FUT8: variants seen among roughly 807,000 people sequenced by gnomAD.
The protein encoded by FUT8 is alpha-(1,6)-fucosyltransferase.
A neutral mutation model predicts 71.3 loss-of-function variants in FUT8; 29 were observed. The ratio of observed to expected loss-of-function variants is 0.41; its 90% CI spans 0.30 to 0.55. The LOEUF (loss-of-function observed/expected upper bound fraction) is 0.55, where lower values mean the gene tolerates loss of function less well. FUT8 is among the 20% of genes least tolerant of loss of function. The probability of loss-of-function intolerance (pLI) is 0.34; values close to 1 mark genes in which losing one functional copy is unlikely to be tolerated. For missense variants in FUT8, 544 were observed against 702.1 expected (o/e 0.77, Z 2.55); for synonymous variants, 254 against 239.3 (o/e 1.06, Z -0.57).
At chr14:65,565,855 T>A (rs540255580) in intron 3 of FUT8, among the ~76,000 whole-genome samples, 2 of 151,952 alleles carry the variant, frequency 1.3e-5, no homozygotes, top group South Asian at 2.1e-4. Flanking sequence ...TTGTCTATTT[T>A]AAAAAATCAA....
At chr14:65,560,343 TAAAG>T (rs931646069) in intron 2 of FUT8, among the ~76,000 whole-genome samples, 42 of 152,104 alleles carry the variant, frequency 2.8e-4, no homozygotes, top group African/African-American at 8.7e-4. Flanking sequence ...TTTTTAAAAT[TAAAG>T]AAAAAAAAAT....
At chr14:65,386,502 T>TC in the FUT8 span, among the ~76,000 whole-genome samples, 4 of 49,680 alleles carry the variant, frequency 8.1e-5, no homozygotes, top group African/African-American at 3.8e-4. Context: ...AGACCTCGTC[T>TC]CAAAAAAAAA....
Position 65,616,285 on chromosome 14 carries a change from A to G in FUT8, c.394A>G (p.Ser132Gly). The change falls in exon 5 of 11, where the codon AGT (serine) becomes GGT (glycine). Residue 132 changes from serine (S) to glycine (G), a missense_variant. Transcript: ENST00000673929. The part of the protein sequence containing the change: ...GAKELWFFLQ[S>G]ELKKLKNLEG... ...TAAAGAGCTCTGGTTTTTCCTACAG[A>G]GTGAATTGAAGAAATTAAAGAACTT... is the stretch of plus-strand genomic sequence containing the variant. The G allele has an allele frequency of 1.2e-6, 2 of 1,612,696 alleles. No individual in the cohort carries two copies. Among genetic ancestry groups the G allele is most frequent in the Non-Finnish European group, 1.7e-6 (2 of 1,179,388 alleles).
intron 6 of FUT8, among the ~76,000 whole-genome samples, chr14:65,659,511 C>G (rs928909692): frequency 6.6e-6 from 1 of 152,122 alleles, no homozygotes; most frequent in African/African-American, 2.4e-5. Context: ...GCAGCTTTTG[C>G]ACAGGAACAG....
chr14:65,678,304 T>G (rs12586842), intron 7 of FUT8, among the ~76,000 whole-genome samples: 54,887 of 152,096 alleles, frequency 0.36, 11,999 homozygotes, highest in Non-Finnish European at 0.5. Flanking sequence ...TTTGGCTCCC[T>G]AGCTCCCCTA....
rs58542884 is a variant in FUT8 at position 65,717,140 on chromosome 14, C to T, written c.836-4635C>T. Among the ~76,000 whole-genome samples, 286 of 134,600 alleles carry T rather than the reference C, an allele frequency of 2.1e-3. 9 individuals carry two copies. The highest frequency in any genetic ancestry group is 8.0e-3 in the African/African-American group (277 of 34,730). 88.3% of individuals were successfully genotyped at this position (134,600 alleles called of 152,430 possible). On this transcript the variant is annotated intron_variant, in intron 7 of 10. Transcript: ENST00000673929. ...AGCCGGGCAGAGGCGCTCCTCATTT[C>T]CCAGATGGGGCGGCCGGGCAGAGGC...
chr14:65,469,822 G>T (rs564649011), intron 2 of FUT8, among the ~76,000 whole-genome samples: 71 of 152,316 alleles, frequency 4.7e-4, no homozygotes, highest in Admixed American at 1.8e-3. Context: ...GGCTGATCTC[G>T]GGGCTTTTAT....
chr14:65,655,252 T>G (rs1418752988), intron 6 of FUT8, among the ~76,000 whole-genome samples: 1 of 151,482 alleles, frequency 6.6e-6, no homozygotes, highest in Non-Finnish European at 1.5e-5. Flanking sequence ...GGCGGGCAGA[T>G]CATGAAGTCA....
the FUT8 span, among the ~76,000 whole-genome samples, chr14:65,358,067 T>A: frequency 1.3e-4 from 20 of 152,002 alleles, no homozygotes; most frequent in African/African-American, 4.1e-4. Flanking sequence ...ACAGGAGAGG[T>A]TGGTCAACAG....
chr14:65,471,773 G>T (rs1422912639), intron 2 of FUT8, among the ~76,000 whole-genome samples: 4 of 149,976 alleles, frequency 2.7e-5, no homozygotes, highest in Non-Finnish European at 4.4e-5. Context: ...TTTTTTTCTT[G>T]TCGTGAGGTT....
At chr14:65,441,567 C>T (rs898824049) in intron 1 of FUT8, among the ~76,000 whole-genome samples, 3 of 151,546 alleles carry the variant, frequency 2.0e-5, no homozygotes, top group African/African-American at 7.3e-5. Context: ...ATGGTGAAAC[C>T]CCATCTCTAC....
intron 7 of FUT8, among the ~76,000 whole-genome samples, chr14:65,686,880 G>A (rs978748522): frequency 1.3e-5 from 2 of 152,134 alleles, no homozygotes; most frequent in African/African-American, 4.8e-5. Flanking sequence ...CAGTTGTTCT[G>A]TTCATTCAAA....
At chr14:65,695,660 G>A (rs1893954018) in intron 7 of FUT8, among the ~76,000 whole-genome samples, 1 of 151,814 alleles carries the variant, frequency 6.6e-6, no homozygotes, top group African/African-American at 2.4e-5. Flanking sequence ...CTAACATATA[G>A]TTGGTCTTCT....
At chr14:65,435,534 G>A (rs1404088139) in intron 1 of FUT8, among the ~76,000 whole-genome samples, 6 of 152,158 alleles carry the variant, frequency 3.9e-5, no homozygotes, top group Non-Finnish European at 8.8e-5. Flanking sequence ...CTTATTGCTG[G>A]TTTTTGGCAA....
intron 3 of FUT8, among the ~76,000 whole-genome samples, chr14:65,600,629 C>T (rs879313298): frequency 6.6e-6 from 1 of 151,984 alleles, no homozygotes; most frequent in African/African-American, 2.4e-5. Context: ...ATGCATAAGA[C>T]GATATTTGTA....
At chr14:65,617,203 C>T in intron 5 of FUT8, 1 of 1,521,562 alleles carries the variant, frequency 6.6e-7, no homozygotes, top group South Asian at 1.4e-5. Flanking sequence ...TAAGAGATTT[C>T]ATATTTATTA....
chr14:65,627,721 CCT>C lies in FUT8; in HGVS notation c.483-1768_483-1767del, dbSNP rs1161397632. Among the ~76,000 whole-genome samples, 2 of 152,144 alleles carry C rather than the reference CCT, an allele frequency of 1.3e-5. No individual in the cohort carries two copies. Among genetic ancestry groups the C allele is most frequent in the African/African-American group, 4.8e-5 (2 of 41,430 alleles). On this transcript the variant is annotated intron_variant, in intron 5 of 10. Transcript: ENST00000673929. The surrounding 1 kb of genome is among the most constrained non-coding windows in gnomAD (Gnocchi z 4.0). ...ATAACAGTTAAAGTCTGCCATTTTG[CCT>C]CTTAGTACGCGTTTGAGCCAACTCA...
At chr14:65,735,534 T>C (rs1896178819) in intron 10 of FUT8, among the ~76,000 whole-genome samples, 2 of 152,142 alleles carry the variant, frequency 1.3e-5, no homozygotes, top group South Asian at 4.1e-4. Context: ...TTGCCCAAAA[T>C]AATTTCACTC....
At chr14:65,358,440 C>G in the FUT8 span, among the ~76,000 whole-genome samples, 1 of 151,990 alleles carries the variant, frequency 6.6e-6, no homozygotes, top group Non-Finnish European at 1.5e-5. Context: ...CAAGTAACAC[C>G]TTTAAATACA....
Sources: allele counts gnomAD v4.1 joint callset (sites outside exome capture counted in the v4.1 genomes callset), GRCh38; gene constraint gnomAD v4.1.1; non-coding constraint Gnocchi (gnomAD v3.1); transcripts MANE v1.5; gene names NCBI Gene and HGNC (gene_info 2026-07-23, HGNC 2026-07-21).